The following C1orf146 variants were observed in gnomAD, a reference collection of about 807,000 sequenced individuals.
C1orf146 encodes the protein chromosome 1 open reading frame 146, also known as protein SPO16 homolog.
A neutral mutation model predicts 23.0 loss-of-function variants in C1orf146; 22 were observed. The ratio of observed to expected loss-of-function variants is 0.96; its 90% CI spans 0.68 to 1.36. The LOEUF (loss-of-function observed/expected upper bound fraction) is 1.36, where lower values mean the gene tolerates loss of function less well. Ranked by LOEUF, C1orf146 falls within the 40% of genes most tolerant of loss-of-function variation. The pLI is 0.00. For missense variants in C1orf146, 199 were observed against 206.8 expected, an observed-to-expected ratio of 0.96 and a Z score of 0.23; for synonymous variants, 59 against 65.3, an observed-to-expected ratio of 0.90 and a Z score of 0.47.
chr1:92,222,625 T>C (rs1025942432), intron 1 of C1orf146, among the ~76,000 whole-genome samples: 8 of 150,200 alleles, frequency 5.3e-5, no homozygotes, highest in South Asian at 4.3e-4. Flanking sequence ...CTTGCTCTGT[T>C]GCCCAGGCTG....
At chr1:92,244,949 T>C (rs1019936463) in intron 5 of C1orf146, 92 bp downstream of exon 5, 9 of 741,056 alleles carry the variant, frequency 1.2e-5, no homozygotes, top group African/African-American at 8.7e-5. Context: ...CTGGCAAATA[T>C]CATGCTTCTG....
At chr1:92,240,482 ATAGT>A (rs1183735219) in intron 2 of C1orf146, among the ~76,000 whole-genome samples, 1 of 152,242 alleles carries the variant, frequency 6.6e-6, no homozygotes, top group Non-Finnish European at 1.5e-5. Flanking sequence ...GAAAAGAGCC[ATAGT>A]TAAACTGTAG....
At chr1:92,229,289 C>A (rs762497520) in intron 1 of C1orf146, 2 of 553,042 alleles carry the variant, frequency 3.6e-6, no homozygotes, top group Admixed American at 1.9e-5. Context: ...CCACATCACA[C>A]TTCATGATGC....
chr1:92,243,262 G>A (rs917355960), intron 3 of C1orf146, among the ~76,000 whole-genome samples: 1 of 152,082 alleles, frequency 6.6e-6, no homozygotes, highest in African/African-American at 2.4e-5. Context: ...CTATAATCAA[G>A]TTTCCCTTTA....
chr1:92,236,591 A>T (rs1393316792), intron 2 of C1orf146, among the ~76,000 whole-genome samples: 4 of 151,834 alleles, frequency 2.6e-5, no homozygotes, highest in Non-Finnish European at 5.9e-5. Flanking sequence ...TGTGTCTTGG[A>T]GTTGCTCTTC....
intron 3 of C1orf146, among the ~76,000 whole-genome samples, chr1:92,242,995 G>C (rs1197950738): frequency 6.6e-6 from 1 of 152,198 alleles, no homozygotes; most frequent in Non-Finnish European, 1.5e-5. Context: ...GCTGAAAGTG[G>C]TATCGCCTCA....
At chr1:92,218,265 G>A (rs1197224800) in intron 1 of C1orf146, among the ~76,000 whole-genome samples, 2 of 152,070 alleles carry the variant, frequency 1.3e-5, no homozygotes, top group African/African-American at 2.4e-5. Flanking sequence ...TCAGAAGTCC[G>A]TCACCCACCT....
intron 2 of C1orf146, among the ~76,000 whole-genome samples, chr1:92,237,263 G>A (rs925240979): frequency 6.6e-6 from 1 of 152,058 alleles, no homozygotes; most frequent in Non-Finnish European, 1.5e-5. Context: ...TTTGATGATG[G>A]TGATGTACAG....
chr1:92,233,437 T>G (rs1468573031), intron 2 of C1orf146, among the ~76,000 whole-genome samples: 6 of 152,168 alleles, frequency 3.9e-5, no homozygotes, highest in Non-Finnish European at 7.3e-5. Flanking sequence ...CGGCGTTATT[T>G]CTGAGGGCTG....
chr1:92,233,111 T>C (rs1277147265), intron 2 of C1orf146, among the ~76,000 whole-genome samples: 1 of 152,236 alleles, frequency 6.6e-6, no homozygotes, highest in Admixed American at 6.5e-5. Flanking sequence ...CTCTTTAGTT[T>C]AATTAGATCC....
chr1:92,236,395 TG>T (rs1652276911), intron 2 of C1orf146, among the ~76,000 whole-genome samples: 1 of 152,212 alleles, frequency 6.6e-6, no homozygotes, highest in South Asian at 2.1e-4. Context: ...TATGAAATTC[TG>T]GGTTGAAAAT....
At chr1:92,233,427 C>T (rs369528755) in intron 2 of C1orf146, among the ~76,000 whole-genome samples, 94 of 151,938 alleles carry the variant, frequency 6.2e-4, no homozygotes, top group East Asian at 4.6e-3. Context: ...TGTAGATATG[C>T]GGCGTTATTT....
chr1:92,218,379 G>T (rs1165802058), intron 1 of C1orf146, among the ~76,000 whole-genome samples: 1 of 152,062 alleles, frequency 6.6e-6, no homozygotes, highest in African/African-American at 2.4e-5. Flanking sequence ...CACTGGACCC[G>T]TGAGGAGACT....
chr1:92,219,096 A>G (rs1651756492), intron 1 of C1orf146, among the ~76,000 whole-genome samples: 1 of 152,248 alleles, frequency 6.6e-6, no homozygotes, highest in Admixed American at 6.5e-5. Context: ...GCACAAACAT[A>G]CATATCCACA....
intron 3 of C1orf146, among the ~76,000 whole-genome samples, chr1:92,243,491 C>G (rs530742248): frequency 2.6e-5 from 4 of 152,144 alleles, no homozygotes; most frequent in Admixed American, 1.3e-4. Flanking sequence ...TGATTACAGG[C>G]ACATACCACC....
At chr1:92,240,452 A>G (rs1652405293) in intron 2 of C1orf146, among the ~76,000 whole-genome samples, 1 of 152,228 alleles carries the variant, frequency 6.6e-6, no homozygotes, top group South Asian at 2.1e-4. Flanking sequence ...GAAGCATTAT[A>G]TAATTTTAAA....
chr1:92,245,402 A>G (rs991371161), intron 5 of C1orf146, 138 bp from the exon 6 acceptor site: 1 of 636,960 alleles, frequency 1.6e-6, no homozygotes. Context: ...TGACTACTCT[A>G]GTAACTCATA....
intron 2 of C1orf146, among the ~76,000 whole-genome samples, chr1:92,239,449 A>T (rs1652377119): frequency 6.6e-6 from 1 of 152,158 alleles, no homozygotes; most frequent in South Asian, 2.1e-4. Context: ...AAAATACAGG[A>T]CACTCAAGTT....
intron 2 of C1orf146, among the ~76,000 whole-genome samples, chr1:92,237,070 C>G (rs944689145): frequency 6.6e-6 from 1 of 151,262 alleles, no homozygotes; most frequent in African/African-American, 2.4e-5. Flanking sequence ...TCCTGTAGCT[C>G]GTAGTTTGAT....
Sources: gnomAD v4.1 joint callset for allele counts (sites outside exome capture counted in the v4.1 genomes callset) on GRCh38, gnomAD v4.1.1 for gene constraint, MANE v1.5 for transcripts, NCBI Gene and HGNC (gene_info 2026-07-23, HGNC 2026-07-21) for gene names.